SLC71A2: variants seen among roughly 807,000 people sequenced by gnomAD.
SLC71A2 encodes hippocampus abundant transcript-like 1.
chr9:94,454,549 T>G, the SLC71A2 span, among the ~76,000 whole-genome samples: 10 of 151,750 alleles, frequency 6.6e-5, no homozygotes, highest in African/African-American at 2.4e-4. Context: ...GTATTTTTAG[T>G]AGAGATGGGT....
the SLC71A2 span, among the ~76,000 whole-genome samples, chr9:94,394,852 T>C: frequency 6.8e-6 from 1 of 146,694 alleles, no homozygotes; most frequent in East Asian, 2.0e-4. Context: ...AAACATACTT[T>C]TTAATATATG....
the SLC71A2 span, among the ~76,000 whole-genome samples, chr9:94,384,465 A>G: frequency 2.0e-5 from 3 of 149,922 alleles, no homozygotes; most frequent in East Asian, 2.0e-4. Context: ...TCAGCCTCCC[A>G]AGTAGCTGAG....
chr9:94,420,728 G>A, the SLC71A2 span, among the ~76,000 whole-genome samples: 14 of 151,522 alleles, frequency 9.2e-5, no homozygotes, highest in Admixed American at 1.3e-4. Context: ...GTGAATCCCC[G>A]TCTCTACTAA....
chr9:94,416,776 C>A, the SLC71A2 span, among the ~76,000 whole-genome samples: 1 of 151,750 alleles, frequency 6.6e-6, no homozygotes, highest in South Asian at 2.1e-4. Flanking sequence ...ATTGCTTGGA[C>A]CCAGAAGGTG....
At chr9:94,395,038 C>T in the SLC71A2 span, among the ~76,000 whole-genome samples, 1 of 126,082 alleles carries the variant, frequency 7.9e-6, no homozygotes, top group Non-Finnish European at 1.7e-5. Context: ...CTCAGCCTCC[C>T]GAGTAGCTGG....
chr9:94,428,998 T>G, the SLC71A2 span, among the ~76,000 whole-genome samples: 1 of 152,128 alleles, frequency 6.6e-6, no homozygotes, highest in African/African-American at 2.4e-5. Flanking sequence ...TTTTAGTGGC[T>G]TGGTAGCTCA....
At chr9:94,459,570 C>CT in the SLC71A2 span, 14 of 547,068 alleles carry the variant, frequency 2.6e-5, no homozygotes, top group South Asian at 8.8e-5. Context: ...CATCCTCCTC[C>CT]TGTTTTTTTT....
chr9:94,388,933 G>T, the SLC71A2 span, among the ~76,000 whole-genome samples: 1 of 152,162 alleles, frequency 6.6e-6, no homozygotes. Flanking sequence ...GTTGCCTCAA[G>T]CTCTTTCTTG....
the SLC71A2 span, among the ~76,000 whole-genome samples, chr9:94,403,385 A>G: frequency 6.6e-6 from 1 of 150,796 alleles, no homozygotes; most frequent in Non-Finnish European, 1.5e-5. Context: ...TGATCCACCC[A>G]CCTCGGCCTC....
At chr9:94,456,464 C>A in the SLC71A2 span, 1 of 653,966 alleles carries the variant, frequency 1.5e-6, no homozygotes, top group South Asian at 1.8e-5. Flanking sequence ...TTTTATCATA[C>A]CTATTTACTT....
At chr9:94,459,545 C>G in the SLC71A2 span, 3 of 795,394 alleles carry the variant, frequency 3.8e-6, no homozygotes, top group Non-Finnish European at 5.8e-6. Context: ...TAAATACCAC[C>G]GCCATCATTC....
the SLC71A2 span, among the ~76,000 whole-genome samples, chr9:94,428,264 CTG>C: frequency 6.6e-6 from 1 of 151,098 alleles, no homozygotes; most frequent in Non-Finnish European, 1.5e-5. Context: ...AAGAAAATGT[CTG>C]TATCTCTGTG....
At chr9:94,451,598 A>G in the SLC71A2 span, 1 of 794,968 alleles carries the variant, frequency 1.3e-6, no homozygotes, top group Non-Finnish European at 2.0e-6. Context: ...ACAGGAAGCC[A>G]CATATAAAAA....
the SLC71A2 span, among the ~76,000 whole-genome samples, chr9:94,393,995 T>A: frequency 6.0e-3 from 814 of 134,892 alleles, 13 homozygotes; most frequent in African/African-American, 0.022. Context: ...AGTTGAGTAT[T>A]TTCACTCTTA....
chr9:94,401,194 G>A, the SLC71A2 span, among the ~76,000 whole-genome samples: 7 of 151,776 alleles, frequency 4.6e-5, no homozygotes, highest in East Asian at 5.8e-4. Flanking sequence ...TTTTTGAAAC[G>A]GAGTCTCACT....
the SLC71A2 span, among the ~76,000 whole-genome samples, chr9:94,378,353 G>A: frequency 1.3e-5 from 2 of 152,064 alleles, no homozygotes; most frequent in Admixed American, 6.6e-5. Context: ...GAGAGAGAGG[G>A]GAGGAGGTGC....
the SLC71A2 span, among the ~76,000 whole-genome samples, chr9:94,408,329 A>G: frequency 1.5e-4 from 23 of 152,156 alleles, no homozygotes; most frequent in African/African-American, 4.8e-4. Flanking sequence ...GTCGAGGAAC[A>G]GCTGTATAGG....
the SLC71A2 span, among the ~76,000 whole-genome samples, chr9:94,395,246 G>C: frequency 1.3e-5 from 2 of 152,008 alleles, no homozygotes; most frequent in Admixed American, 1.3e-4. Context: ...GGGAGCACTA[G>C]TTTTCAATTT....
At chr9:94,414,785 A>G in the SLC71A2 span, among the ~76,000 whole-genome samples, 64 of 152,120 alleles carry the variant, frequency 4.2e-4, 1 homozygote, top group East Asian at 9.3e-3. Flanking sequence ...TCAGCCTCCC[A>G]AGTAGCTGGG....
Sources: allele counts gnomAD v4.1 joint callset (sites outside exome capture counted in the v4.1 genomes callset), GRCh38; gene constraint gnomAD v4.1.1; transcripts MANE v1.5; gene names NCBI Gene and HGNC (gene_info 2026-07-23, HGNC 2026-07-21).